Variants in VWA5B1 observed in about 807,000 individuals in gnomAD.
VWA5B1 encodes the protein von Willebrand factor A domain containing 5B1.
VWA5B1 carries 115 observed loss-of-function variants against 118.2 expected under a neutral mutation model. The observed-to-expected ratio is 0.97, with a 90% CI of 0.84 to 1.14. The LOEUF is 1.14. VWA5B1 is among the 50% of genes most tolerant of loss of function. The pLI is 0.00. For synonymous variants in VWA5B1, 682 were observed against 658.4 expected (o/e 1.04, Z -0.55); for missense variants, 1,596 against 1,603.8 (o/e 1.00, Z 0.08).
intron 18 of VWA5B1, 35 bp from the exon 19 acceptor site, chr1:20,350,121 G>GGAGA: frequency 6.5e-7 from 1 of 1,543,206 alleles, no homozygotes. Flanking sequence ...GGAAGGGAGG[G>GGAGA]GAGAGGTCCA....
intron 8 of VWA5B1, 129 bp from the exon 9 acceptor site, chr1:20,327,761 G>C: frequency 5.0e-6 from 4 of 793,988 alleles, no homozygotes; most frequent in Non-Finnish European, 6.2e-6. Context: ...GAGTTGCTGG[G>C]TGCAGACAGA....
Position 20,317,548 on chromosome 1 carries a change from C to T in VWA5B1, c.582C>T (p.Phe194=), listed in dbSNP as rs144998626. 249 of 1,551,634 alleles carry T rather than the reference C, an allele frequency of 1.6e-4. 3 individuals are homozygous for T. The African/African-American group carries it at 2.8e-3, about 18-fold the overall frequency. The change falls in exon 5 of 22, where the codon TTC becomes TTT. Residue 194 remains phenylalanine (F), a synonymous_variant. Transcript: ENST00000289815. ...TTTCCAGCAAAGACAGGCACTGCTT[C>T]GGTGCCTGGGCCCCGGGCTCCTGGA... ...QQAQGKDRHC[F]GAWAPGSWNK...
At chr1:20,329,899 G>A (rs1323567424) in intron 9 of VWA5B1, among the ~76,000 whole-genome samples, 1 of 152,208 alleles carries the variant, frequency 6.6e-6, no homozygotes, top group Admixed American at 6.5e-5. Flanking sequence ...TAAGGAATCA[G>A]GGGTTTAATG....
At chr1:20,298,982 G>C (rs540616630) in intron 1 of VWA5B1, among the ~76,000 whole-genome samples, 1 of 152,098 alleles carries the variant, frequency 6.6e-6, no homozygotes, top group Non-Finnish European at 1.5e-5. Flanking sequence ...TCCCTTCCTA[G>C]CTTTATGACC....
chr1:20,318,828 G>A (rs1408214061), intron 6 of VWA5B1, 107 bp downstream of exon 6: 2 of 1,404,440 alleles, frequency 1.4e-6, no homozygotes, highest in Admixed American at 3.1e-5. Flanking sequence ...GCTAGCCAGG[G>A]AAAGAGTCGG....
intron 4 of VWA5B1, 90 bp downstream of exon 4, chr1:20,314,682 G>A (rs969669740): frequency 2.0e-6 from 3 of 1,484,972 alleles, no homozygotes; most frequent in Non-Finnish European, 1.8e-6. Context: ...GGTGGGGGGA[G>A]ACAGGGAGGA....
chr1:20,305,696 G>A lies in VWA5B1; in HGVS notation c.-26-4880G>A, dbSNP rs556800133. The stretch of plus-strand genomic sequence containing the variant: ...GGGCAGTGGCCAGGAGCTGACTCAG[G>A]GGCACAGAATTACAGAGCTTCCCCC... On this transcript the variant is annotated intron_variant, in intron 1 of 21. Coordinates refer to ENST00000289815, the MANE Select transcript of VWA5B1 (RefSeq NM_001039500.3). Among the ~76,000 whole-genome samples, 13 of 152,128 alleles carry A rather than the reference G, an allele frequency of 8.5e-5. No individual in the cohort carries two copies. The South Asian group carries it at 2.7e-3, about 32-fold the overall frequency.
chr1:20,352,174 T>A lies in VWA5B1; in HGVS notation c.3141+2T>A. 6.5e-7 allele frequency: 1 copy of A among 1,549,748 alleles called. No homozygotes were observed. The highest frequency in any genetic ancestry group is 1.2e-5 in the South Asian group (1 of 83,852). ...CAGAGCTTCGACTACATACCTCTGG[T>A]GAGTGCCCTGACCCCAGGTGTCAGT... is the stretch of plus-strand genomic sequence containing the variant. On this transcript the variant is annotated splice_donor_variant, in intron 21 of 21. Transcript: ENST00000289815. LOFTEE classifies it high-confidence loss of function.
At chr1:20,319,666 CGGGCACTGCA>C (rs1204850982) in intron 7 of VWA5B1, among the ~76,000 whole-genome samples, 160 bp downstream of exon 7, 1 of 152,190 alleles carries the variant, frequency 6.6e-6, no homozygotes, top group Admixed American at 6.5e-5. Flanking sequence ...TGTGGGCCCC[CGGGCACTGCA>C]GGGCACTTTC....
At chr1:20,318,513 C>T in intron 5 of VWA5B1, 77 bp from the exon 6 acceptor site, 1 of 1,538,546 alleles carries the variant, frequency 6.5e-7, no homozygotes, top group Non-Finnish European at 8.8e-7. Flanking sequence ...TGGCCTGGAT[C>T]TCGGTGTGCC....
intron 21 of VWA5B1, among the ~76,000 whole-genome samples, chr1:20,353,472 C>G (rs951793924): frequency 6.6e-6 from 1 of 152,120 alleles, no homozygotes; most frequent in Non-Finnish European, 1.5e-5. Context: ...AGGTGAGCTG[C>G]TAGAGTTCCC....
chr1:20,356,846 T>C lies in VWA5B1; in HGVS notation c.*2583T>C, dbSNP rs1025691547. Among the ~76,000 whole-genome samples, 3 of 152,200 alleles carry C rather than the reference T, an allele frequency of 2.0e-5. No individual in the cohort carries two copies. The highest frequency in any genetic ancestry group is 1.9e-4 in the East Asian group (1 of 5,200). ...AAGAGACATTTTTAAAGAACTTCAG[T>C]GGTATTGAGATGACATGCAGCCTCA... is the stretch of plus-strand genomic sequence containing the variant. On this transcript the variant is annotated 3_prime_UTR_variant, in exon 22 of 22. Transcript: ENST00000289815.
chr1:20,348,553 C>T (rs998087223), intron 18 of VWA5B1, among the ~76,000 whole-genome samples, 195 bp downstream of exon 18: 2 of 152,056 alleles, frequency 1.3e-5, no homozygotes, highest in South Asian at 2.1e-4. Context: ...TCGGTATGGC[C>T]GGAGCGCACC....
intron 20 of VWA5B1, 94 bp downstream of exon 20, chr1:20,351,020 G>T: frequency 8.0e-7 from 1 of 1,248,442 alleles, no homozygotes; most frequent in South Asian, 1.3e-5. Context: ...GCCAAAGACA[G>T]GTTCAGCCTG....
chr1:20,333,955 G>A (rs1205811907), intron 12 of VWA5B1, among the ~76,000 whole-genome samples: 4 of 152,210 alleles, frequency 2.6e-5, no homozygotes, highest in Admixed American at 6.5e-5. Context: ...AATAAAAGGG[G>A]CCAATGCTGT....
chr1:20,318,773 C>T, intron 6 of VWA5B1, 52 bp downstream of exon 6: 1 of 1,442,564 alleles, frequency 6.9e-7, no homozygotes. Flanking sequence ...GGAGGAGGTG[C>T]TGATCCTGTG....
chr1:20,323,574 G>C, intron 8 of VWA5B1, 42 bp downstream of exon 8: 1 of 1,340,556 alleles, frequency 7.5e-7, no homozygotes, highest in Non-Finnish European at 9.6e-7. Flanking sequence ...CGGGGCTCCA[G>C]GGGAAATCAG....
At chr1:20,319,240 C>A in intron 6 of VWA5B1, 142 bp from the exon 7 acceptor site, 1 of 1,269,518 alleles carries the variant, frequency 7.9e-7, no homozygotes, top group East Asian at 2.5e-5. Context: ...TAGCCCTACA[C>A]TGCTTCAGGC....
Position 20,330,942 on chromosome 1 carries a change from A to C in VWA5B1, c.1531A>C (p.Ser511Arg). The change falls in exon 11 of 22, where the codon AGT becomes CGT. Residue 511 changes from serine to arginine, a missense_variant. Ser to Arg is a moderately radical substitution (Grantham distance 110). Transcript: ENST00000289815. ...AGGACTGGCATCTGTGTCCGAGGGC[A>C]GTGCTGAGCTCCTGATGGAGGGGGA... ...VKGLASVSEGSAELLMEGERL... is the reference protein window; with the variant it reads ...VKGLASVSEGRAELLMEGERL... The C allele has an allele frequency of 1.3e-6, 2 of 1,551,560 alleles. No homozygotes were observed. Among genetic ancestry groups the C allele is most frequent in the Non-Finnish European group, 1.7e-6 (2 of 1,146,908 alleles).
Sources: allele counts gnomAD v4.1 joint callset (sites outside exome capture counted in the v4.1 genomes callset), GRCh38; gene constraint gnomAD v4.1.1; transcripts MANE v1.5; gene names NCBI Gene and HGNC (gene_info 2026-07-23, HGNC 2026-07-21).